PON1: variants seen among roughly 807,000 people sequenced by gnomAD.
PON1 encodes serum paraoxonase/arylesterase 1.
PON1 carries 37 observed loss-of-function variants against 39.2 expected under a neutral mutation model. That is an observed-to-expected ratio of 0.94 (90% CI 0.73 to 1.24). The LOEUF (loss-of-function observed/expected upper bound fraction) is 1.24. Among genes scored for constraint, PON1 ranks in the 50% most tolerant of loss-of-function variants. The pLI is 0.00. For missense variants in PON1, 397 were observed against 413.5 expected, an observed-to-expected ratio of 0.96 and a Z score of 0.35; for synonymous variants, 148 against 152.2, an observed-to-expected ratio of 0.97 and a Z score of 0.21.
chr7:95,300,363 A>G (rs1807394217), intron 8 of PON1, among the ~76,000 whole-genome samples: 1 of 152,204 alleles, frequency 6.6e-6, no homozygotes, highest in African/African-American at 2.4e-5. Flanking sequence ...TCTATTATTA[A>G]GCCTTTATGA....
chr7:95,319,875 A>G (rs1807857532), intron 1 of PON1, among the ~76,000 whole-genome samples: 1 of 152,232 alleles, frequency 6.6e-6, no homozygotes. Flanking sequence ...AGCTTCACAA[A>G]ACAATACTCA....
intron 2 of PON1, among the ~76,000 whole-genome samples, chr7:95,317,392 T>C (rs1285108695): frequency 6.6e-6 from 1 of 151,908 alleles, no homozygotes; most frequent in Non-Finnish European, 1.5e-5. Flanking sequence ...AACTATTTGA[T>C]AGGTATTTCT....
intron 1 of PON1, among the ~76,000 whole-genome samples, chr7:95,319,179 A>G (rs1807843042): frequency 6.7e-6 from 1 of 148,800 alleles, no homozygotes; most frequent in Non-Finnish European, 1.5e-5. Context: ...TGTCATAGCA[A>G]GTAGTGACAA....
chr7:95,299,487 T>C (rs1366020380), intron 8 of PON1, among the ~76,000 whole-genome samples: 1 of 152,174 alleles, frequency 6.6e-6, no homozygotes, highest in Non-Finnish European at 1.5e-5. Context: ...GTATTGATCC[T>C]GGGTGTCTGT....
chr7:95,308,217 A>G lies in PON1; in HGVS notation c.498-6T>C, dbSNP rs763727586. 5 of 1,611,198 alleles carry G rather than the reference A, an allele frequency of 3.1e-6. No homozygotes were observed. The highest frequency in any genetic ancestry group is 2.5e-6 in the Non-Finnish European group (3 of 1,177,654). ...CAGCAACAATATCATTCAAACTGCA[A>G]TTAAAACATACACACATAATATATA... On this transcript the variant is annotated splice_polypyrimidine_tract_variant and splice_region_variant and intron_variant, in intron 5 of 8. Coordinates refer to ENST00000222381, the MANE Select transcript of PON1 (RefSeq NM_000446.7).
chr7:95,313,453 A>C (rs2299257), intron 4 of PON1, among the ~76,000 whole-genome samples: 68,456 of 152,054 alleles, frequency 0.45, 16,193 homozygotes, highest in East Asian at 0.65. Flanking sequence ...AATGCAGAAG[A>C]AATTTATAGA....
rs1807653663 is a variant in PON1 at position 95,311,508 on chromosome 7, TG to T, written c.439del (p.Gln147LysfsTer10). 1 of 1,614,012 alleles carries T rather than the reference TG, an allele frequency of 6.2e-7. No individual in the cohort carries two copies. The highest frequency in any genetic ancestry group is 8.5e-7 in the Non-Finnish European group (1 of 1,179,974). ...ATGCAAAAGCGATTTTTCTTCTTCT[TG>T]AAATTTAAACAACTCCACTGTGGAC... The part of the protein sequence containing the change: ...AKSTVELFKF[Q>X]EEEKSLLHLK... On this transcript the variant is annotated frameshift_variant, in exon 5 of 9. Coordinates refer to ENST00000222381, the MANE Select transcript of PON1 (RefSeq NM_000446.7). LOFTEE classifies it high-confidence loss of function.
chr7:95,297,786 G>A lies in PON1; in HGVS notation c.*1158C>T, dbSNP rs1344787846. ...CAGCCTGGGCAACAGAGTGAGATTC[G>A]GTCTCAAAAACAAAACAAAAACAAG... On this transcript the variant is annotated 3_prime_UTR_variant, in exon 9 of 9. Coordinates refer to ENST00000222381, the MANE Select transcript of PON1 (RefSeq NM_000446.7). The A allele has an allele frequency of 6.6e-6, 1 of 151,866 alleles. No individual in the cohort carries two copies. Among genetic ancestry groups the A allele is most frequent in the Non-Finnish European group, 1.5e-5 (1 of 67,980 alleles). 9.4% of individuals were successfully genotyped at this position (151,866 alleles called of 1,614,324 possible). A position where few individuals can be genotyped will look rare whatever the true frequency, so the allele number is the denominator to read the frequency against.
Position 95,308,035 on chromosome 7 carries a change from C to A in PON1, c.674G>T (p.Gly225Val), listed in dbSNP as rs763317810. 2.5e-6 allele frequency: 4 copies of A among 1,613,938 alleles called. No individual in the cohort carries two copies. The African/African-American group carries it at 5.3e-5, about 22-fold the overall frequency. Reference sequence around the variant, plus strand: ...CTTGCCATCGGGTGAAATGTTGATTCCATTAGCAAAATCAAATCCTTCTGC... The same window carrying A: ...CTTGCCATCGGGTGAAATGTTGATTACATTAGCAAAATCAAATCCTTCTGC... ...VVAEGFDFAN[G>V]INISPDGKYV... The change falls in exon 6 of 9, where the codon GGA (glycine) becomes GTA (valine). Residue 225 changes from glycine to valine, a missense_variant. Coordinates refer to ENST00000222381, the MANE Select transcript of PON1 (RefSeq NM_000446.7).
chr7:95,315,389 C>A lies in PON1; in HGVS notation c.303G>T (p.Gly101=). Residue 101 remains glycine, a synonymous_variant, in exon 4 of 9, where the codon GGG becomes GGT. Transcript: ENST00000222381. ...ATACATCAAATTTACTTCCAGTGATCCCCAATTCCAACACTGTTGGATCTT... is the reference window on the plus strand; with the variant it reads ...ATACATCAAATTTACTTCCAGTGATACCCAATTCCAACACTGTTGGATCTT... ...NEEDPTVLEL[G]ITGSKFDVSS... 6.2e-7 allele frequency: 1 copy of A among 1,613,602 alleles called. No individual in the cohort carries two copies. Among genetic ancestry groups the A allele is most frequent in the Non-Finnish European group, 8.5e-7 (1 of 1,179,532 alleles).
At chr7:95,321,598 G>A (rs910686166) in intron 1 of PON1, among the ~76,000 whole-genome samples, 2 of 152,202 alleles carry the variant, frequency 1.3e-5, no homozygotes, top group African/African-American at 4.8e-5. Context: ...GTAAGGAAAT[G>A]GAGGCACTGA....
chr7:95,311,711 G>T, intron 4 of PON1, 134 bp from the exon 5 acceptor site: 1 of 951,654 alleles, frequency 1.1e-6, no homozygotes, highest in Non-Finnish European at 1.6e-6. Flanking sequence ...TCATCTCTTT[G>T]TAGAGAGAAG....
chr7:95,311,006 C>A (rs1807641236), intron 5 of PON1, among the ~76,000 whole-genome samples: 1 of 152,140 alleles, frequency 6.6e-6, no homozygotes. Flanking sequence ...GCAGCGGAGG[C>A]AGTATAAGGA....
At chr7:95,315,995 G>T (rs1217809650) in intron 3 of PON1, among the ~76,000 whole-genome samples, 1 of 152,176 alleles carries the variant, frequency 6.6e-6, no homozygotes, top group Non-Finnish European at 1.5e-5. Context: ...ATAAGATTTT[G>T]CTTGAAATAC....
intron 7 of PON1, among the ~76,000 whole-genome samples, chr7:95,305,631 A>T (rs1264157215): frequency 6.6e-6 from 1 of 152,176 alleles, no homozygotes; most frequent in African/African-American, 2.4e-5. Context: ...GAGCAGTTCC[A>T]GGTTTTGAAG....
Position 95,298,781 on chromosome 7 carries a change from C to T in PON1, c.*163G>A, listed in dbSNP as rs1019520909. The T allele has an allele frequency of 7.2e-6, 6 of 834,116 alleles. No individual in the cohort carries two copies. The highest frequency in any genetic ancestry group is 2.6e-5 in the East Asian group (1 of 37,830). The allele number at this position is 834,116 out of a possible 1,614,324, so 51.7% of individuals were successfully genotyped here. On this transcript the variant is annotated 3_prime_UTR_variant, in exon 9 of 9. Coordinates refer to ENST00000222381, the MANE Select transcript of PON1 (RefSeq NM_000446.7). ...GATAGTGTATTCTCAAAAAAAAGCC[C>T]TACACATCATATCACTCCCAGTTAA...
At chr7:95,304,985 C>T (rs1807510199) in intron 7 of PON1, among the ~76,000 whole-genome samples, 1 of 152,140 alleles carries the variant, frequency 6.6e-6, no homozygotes, top group Admixed American at 6.5e-5. Flanking sequence ...TACAGAAATA[C>T]CTGTTGTTAA....
intron 8 of PON1, among the ~76,000 whole-genome samples, chr7:95,301,951 G>GCCAGGCA: frequency 6.9e-6 from 1 of 145,678 alleles, no homozygotes; most frequent in East Asian, 2.0e-4. Flanking sequence ...CAAAAAATTA[G>GCCAGGCA]CCAGGCATGG....
chr7:95,307,106 G>A (rs1440553315), intron 6 of PON1, among the ~76,000 whole-genome samples: 3 of 143,598 alleles, frequency 2.1e-5, no homozygotes, highest in South Asian at 2.2e-4. Flanking sequence ...TGTCACCCAC[G>A]CTGGAGTGCA....
Sources: allele counts gnomAD v4.1 joint callset (sites outside exome capture counted in the v4.1 genomes callset), GRCh38; gene constraint gnomAD v4.1.1; transcripts MANE v1.5; gene names NCBI Gene and HGNC (gene_info 2026-07-23, HGNC 2026-07-21).